WDR70: variants seen among roughly 807,000 people sequenced by gnomAD.
The protein encoded by WDR70 is WD repeat domain 70, also known as WD repeat-containing protein 70.
WDR70 carries 53 observed loss-of-function variants against 88.6 expected under a neutral mutation model. The observed-to-expected ratio is 0.60, with a 90% CI of 0.48 to 0.75. The LOEUF (loss-of-function observed/expected upper bound fraction) is 0.75. WDR70 is among the 30% of genes least tolerant of loss of function. The probability of loss-of-function intolerance (pLI) is 0.00; values close to 1 mark genes in which losing one functional copy is unlikely to be tolerated. For missense variants in WDR70, 610 were observed against 823.2 expected (o/e 0.74, Z 3.17); for synonymous variants, 280 against 270.0 (o/e 1.04, Z -0.36).
intron 9 of WDR70, among the ~76,000 whole-genome samples, chr5:37,532,518 T>C (rs1385555047): frequency 1.3e-5 from 2 of 152,104 alleles, no homozygotes; most frequent in Non-Finnish European, 2.9e-5. Flanking sequence ...CTTCGAGCCC[T>C]GAAGTTCTTT....
intron 7 of WDR70, among the ~76,000 whole-genome samples, chr5:37,468,648 T>G (rs1303528718): frequency 6.6e-6 from 1 of 152,162 alleles, no homozygotes; most frequent in Non-Finnish European, 1.5e-5. Context: ...AATACATTAT[T>G]GTTAACTATA....
chr5:37,475,759 A>G (rs1739461355), intron 7 of WDR70, among the ~76,000 whole-genome samples: 1 of 151,636 alleles, frequency 6.6e-6, no homozygotes, highest in Non-Finnish European at 1.5e-5. Flanking sequence ...ATAAATTTGG[A>G]TGTAAACCAT....
intron 10 of WDR70, among the ~76,000 whole-genome samples, chr5:37,648,643 A>C (rs1212011796): frequency 5.3e-5 from 8 of 151,540 alleles, no homozygotes; most frequent in Non-Finnish European, 2.9e-5. Flanking sequence ...GTGGTTGGGG[A>C]CATATCTTTG....
intron 9 of WDR70, among the ~76,000 whole-genome samples, chr5:37,563,730 G>A (rs1359290324): frequency 7.4e-6 from 1 of 134,636 alleles, no homozygotes; most frequent in African/African-American, 2.5e-5. Flanking sequence ...CCTCCCAGAC[G>A]GGGTGGCTGC....
At chr5:37,721,453 A>G in intron 14 of WDR70, 1 of 547,262 alleles carries the variant, frequency 1.8e-6, no homozygotes, top group Middle Eastern at 5.0e-4. Flanking sequence ...GCAGTTGTTT[A>G]GCTGAAATGT....
At chr5:37,540,962 A>C (rs1000988924) in intron 9 of WDR70, among the ~76,000 whole-genome samples, 1 of 152,240 alleles carries the variant, frequency 6.6e-6, no homozygotes, top group African/African-American at 2.4e-5. Flanking sequence ...TATAAAACTC[A>C]GCATTCAAAT....
At chr5:37,577,143 A>C (rs1581407372) in intron 9 of WDR70, among the ~76,000 whole-genome samples, 2 of 152,358 alleles carry the variant, frequency 1.3e-5, no homozygotes, top group East Asian at 1.9e-4. Flanking sequence ...GATAGCTCCC[A>C]ATCTAGTCAG....
chr5:37,486,723 T>C (rs1739885274), intron 8 of WDR70, among the ~76,000 whole-genome samples: 1 of 151,116 alleles, frequency 6.6e-6, no homozygotes, highest in African/African-American at 2.4e-5. Context: ...TCTCTAATGA[T>C]CAGTGATATT....
At chr5:37,517,018 G>A (rs1044451478) in intron 9 of WDR70, among the ~76,000 whole-genome samples, 3 of 151,918 alleles carry the variant, frequency 2.0e-5, no homozygotes, top group Non-Finnish European at 2.9e-5. Flanking sequence ...CACTGTGCCC[G>A]GCCTATATAT....
intron 15 of WDR70, chr5:37,723,253 G>T (rs1364957371): frequency 7.0e-6 from 2 of 284,624 alleles, no homozygotes; most frequent in East Asian, 1.4e-4. Context: ...GCTGGTCTTG[G>T]AATCAGGAGG....
At chr5:37,424,042 G>A (rs1320380973) in intron 5 of WDR70, among the ~76,000 whole-genome samples, 2 of 148,908 alleles carry the variant, frequency 1.3e-5, no homozygotes, top group African/African-American at 4.9e-5. Flanking sequence ...CTGTCTACTC[G>A]GGTGGCTGAG....
At chr5:37,479,690 C>T (rs1462802274) in intron 7 of WDR70, 144 bp from the exon 8 acceptor site, 1 of 959,844 alleles carries the variant, frequency 1.0e-6, no homozygotes, top group African/African-American at 1.7e-5. Context: ...TATTTAGAAC[C>T]CATTTGAGGT....
In WDR70 at chr5:37,687,978, G is replaced by A. The variant is rs989794862; in HGVS notation, c.1093-9677G>A. ...GGGCTCACACTGAAGTTTGTGTGAT[G>A]TGAATCCACTGGACTCTATAACTTT... On this transcript the variant is annotated intron_variant, in intron 10 of 17. Coordinates refer to ENST00000265107, the MANE Select transcript of WDR70 (RefSeq NM_018034.4). The A allele has an allele frequency of 2.6e-5, 18 of 689,522 alleles. No individual in the cohort carries two copies. The Admixed American group carries it at 3.4e-4, about 13-fold the overall frequency. 42.7% of individuals were successfully genotyped at this position (689,522 alleles called of 1,614,324 possible). A position where few individuals can be genotyped will look rare whatever the true frequency, so the allele number is the denominator to read the frequency against.
chr5:37,670,291 G>A (rs967140572), intron 10 of WDR70, among the ~76,000 whole-genome samples: 1 of 152,102 alleles, frequency 6.6e-6, no homozygotes, highest in African/African-American at 2.4e-5. Context: ...CAAGCTAACT[G>A]GAATTCCATT....
At chr5:37,590,741 T>C (rs1055951371) in intron 9 of WDR70, among the ~76,000 whole-genome samples, 1 of 152,084 alleles carries the variant, frequency 6.6e-6, no homozygotes, top group Admixed American at 6.5e-5. Context: ...TTGAAAAGGC[T>C]ACGAGGGATT....
chr5:37,642,865 G>A (rs751714690), intron 10 of WDR70, among the ~76,000 whole-genome samples: 7 of 151,898 alleles, frequency 4.6e-5, no homozygotes, highest in Non-Finnish European at 8.8e-5. Context: ...AATTGTTTGC[G>A]CTCCTTACCT....
intron 9 of WDR70, among the ~76,000 whole-genome samples, chr5:37,557,319 C>A (rs1041817545): frequency 6.6e-6 from 1 of 151,634 alleles, no homozygotes; most frequent in African/African-American, 2.4e-5. Flanking sequence ...GTTCTGAAGA[C>A]CATTGGCAAG....
intron 10 of WDR70, among the ~76,000 whole-genome samples, chr5:37,610,653 A>C (rs77037283): frequency 0.011 from 1,694 of 152,262 alleles, 39 homozygotes; most frequent in African/African-American, 0.039. Flanking sequence ...AGACAAAAGA[A>C]ATTTAAACCT....
chr5:37,417,214 T>G (rs1343714971), intron 5 of WDR70, among the ~76,000 whole-genome samples: 1 of 152,162 alleles, frequency 6.6e-6, no homozygotes, highest in Non-Finnish European at 1.5e-5. Flanking sequence ...GTCTCTTTAC[T>G]TACAAGTTTT....
Sources: gnomAD v4.1 joint callset for allele counts (sites outside exome capture counted in the v4.1 genomes callset) on GRCh38, gnomAD v4.1.1 for gene constraint, MANE v1.5 for transcripts, NCBI Gene and HGNC (gene_info 2026-07-23, HGNC 2026-07-21) for gene names.